The following PLCL1 variants were observed in gnomAD, a reference collection of about 807,000 sequenced individuals.
PLCL1 encodes phospholipase C like 1 (inactive), also known as inactive phospholipase C-like protein 1.
Under a neutral mutation model 84.4 loss-of-function variants are expected in PLCL1, and 41 were observed. The observed-to-expected ratio is 0.49, with a 90% CI of 0.38 to 0.63. PLCL1 has a LOEUF of 0.63. Among genes scored for constraint, PLCL1 ranks in the 30% least tolerant of loss-of-function variants. The pLI is 0.00. For missense variants in PLCL1, 1,206 were observed against 1,367.8 expected, an observed-to-expected ratio of 0.88 and a Z score of 1.87; for synonymous variants, 490 against 488.3, an observed-to-expected ratio of 1.00 and a Z score of -0.05.
intron 1 of PLCL1, among the ~76,000 whole-genome samples, chr2:197,837,791 A>G (rs1486427494): frequency 6.6e-6 from 1 of 152,242 alleles, no homozygotes; most frequent in African/African-American, 2.4e-5. Context: ...CTTAATTATC[A>G]TAGGAATCAT....
intron 1 of PLCL1, among the ~76,000 whole-genome samples, chr2:198,043,779 T>A (rs1574269236): frequency 6.6e-6 from 1 of 151,804 alleles, no homozygotes; most frequent in Non-Finnish European, 1.5e-5. Context: ...TTGAGCAGAG[T>A]AAGTCCAAAT....
chr2:198,084,483 G>C lies in PLCL1; in HGVS notation c.966G>C (p.Gln322His), dbSNP rs1435894123. Residue 322 changes from glutamine to histidine, a missense_variant, in exon 2 of 6, where the codon CAG (glutamine) becomes CAC (histidine). Physicochemically the swap from Gln to His is conservative, Grantham distance 24. Coordinates refer to ENST00000428675, the MANE Select transcript of PLCL1 (RefSeq NM_006226.4). ...TRPEVYFLLV[Q>H]ISKNKEYLDA... ...CAGAAGTGTATTTCTTACTTGTACAGATATCTAAAAACAAAGAATATTTGG... is the reference window on the plus strand; with the variant it reads ...CAGAAGTGTATTTCTTACTTGTACACATATCTAAAAACAAAGAATATTTGG... 5 of 1,613,872 alleles carry C rather than the reference G, an allele frequency of 3.1e-6. No individual in the cohort carries two copies. The highest frequency in any genetic ancestry group is 4.5e-5 in the East Asian group (2 of 44,898).
rs566647099 is a variant in PLCL1 at position 197,896,387 on chromosome 2, T to C, written c.240+91048T>C. ...CAAAGAGCATCCTAGAGCAAAGCCC[T>C]ATGTGCCCATCTCTCAGCTTCAACA... is the stretch of plus-strand genomic sequence containing the variant. On this transcript the variant is annotated intron_variant, in intron 1 of 5. Transcript: ENST00000428675. Among the ~76,000 whole-genome samples, 55 of 152,120 alleles carry C rather than the reference T, an allele frequency of 3.6e-4. 1 individual carries two copies. In the South Asian group the frequency reaches 3.7e-3, roughly 10 times the overall value.
chr2:197,939,433 C>T lies in PLCL1; in HGVS notation c.240+134094C>T, dbSNP rs139975109. Among the ~76,000 whole-genome samples the T allele has an allele frequency of 5.4e-3, 823 of 152,228 alleles. 4 individuals are homozygous for T. Among genetic ancestry groups the T allele is most frequent in the Non-Finnish European group, 9.4e-3 (636 of 68,004 alleles). The stretch of plus-strand genomic sequence containing the variant: ...AGTACCACAGTCTGGGTGACTTAAA[C>T]GACAGAAGTTGATTTTTTTCATAGT... On this transcript the variant is annotated intron_variant, in intron 1 of 5. Transcript: ENST00000428675.
At chr2:198,027,865 T>G (rs961968165) in intron 1 of PLCL1, among the ~76,000 whole-genome samples, 5 of 152,072 alleles carry the variant, frequency 3.3e-5, no homozygotes, top group Non-Finnish European at 7.4e-5. Context: ...GGGGATCTTG[T>G]TCTGTCACCC....
At chr2:197,832,893 G>T (rs1268910155) in intron 1 of PLCL1, among the ~76,000 whole-genome samples, 1 of 152,142 alleles carries the variant, frequency 6.6e-6, no homozygotes, top group Admixed American at 6.5e-5. Context: ...CAGAATCAAT[G>T]ACAAAAAACA....
intron 1 of PLCL1, among the ~76,000 whole-genome samples, chr2:197,824,688 C>G (rs895569418): frequency 2.4e-4 from 34 of 141,476 alleles, no homozygotes; most frequent in African/African-American, 8.8e-4. Context: ...CACTCCAGCC[C>G]GGGCAACAGA....
intron 1 of PLCL1, among the ~76,000 whole-genome samples, chr2:197,916,794 T>C (rs773810310): frequency 1.3e-5 from 2 of 151,894 alleles, no homozygotes; most frequent in Non-Finnish European, 2.9e-5. Flanking sequence ...AAATAAAAAA[T>C]GGGCAAAAGA....
intron 1 of PLCL1, among the ~76,000 whole-genome samples, chr2:198,052,114 G>T (rs1454839085): frequency 6.6e-6 from 1 of 152,188 alleles, no homozygotes; most frequent in African/African-American, 2.4e-5. Flanking sequence ...GTTTCTCCAT[G>T]TTGGCCAGGC....
intron 5 of PLCL1, among the ~76,000 whole-genome samples, chr2:198,136,999 T>C (rs1314838114): frequency 6.6e-6 from 1 of 152,204 alleles, no homozygotes; most frequent in Non-Finnish European, 1.5e-5. Context: ...ATAGTATTTA[T>C]GTCTGGGACA....
intron 1 of PLCL1, among the ~76,000 whole-genome samples, chr2:197,852,184 G>A (rs574006827): frequency 6.8e-4 from 103 of 152,110 alleles, no homozygotes; most frequent in Non-Finnish European, 1.1e-3. Context: ...TCAAGGCAAC[G>A]TGCCTTTCAA....
chr2:197,912,680 A>C (rs1168896704), intron 1 of PLCL1, among the ~76,000 whole-genome samples: 7 of 148,318 alleles, frequency 4.7e-5, no homozygotes, highest in Non-Finnish European at 8.9e-5. Flanking sequence ...CATTCTCAGT[A>C]AACTATCGCA....
At chr2:197,969,230 A>G (rs1285030143) in intron 1 of PLCL1, among the ~76,000 whole-genome samples, 2 of 152,214 alleles carry the variant, frequency 1.3e-5, no homozygotes, top group African/African-American at 4.8e-5. Flanking sequence ...TTTGGCGACC[A>G]CTGATTTAAA....
intron 5 of PLCL1, among the ~76,000 whole-genome samples, chr2:198,117,444 T>C (rs374681742): frequency 6.6e-6 from 1 of 151,750 alleles, no homozygotes; most frequent in African/African-American, 2.4e-5. Context: ...GGTGGTACAT[T>C]ATTGTAACAG....
Position 198,084,975 on chromosome 2 carries a change from A to C in PLCL1, c.1458A>C (p.Pro486=). Residue 486 remains proline (P), a synonymous_variant, in exon 2 of 6, where the codon CCA becomes CCC. Transcript: ENST00000428675. ...NKFAFVASEY[P]LILCLGNHCS... is the part of the protein sequence containing the mutation. ...TTGCCTTTGTTGCTTCTGAATACCCACTCATTCTTTGCTTGGGAAATCACT... is the reference window on the plus strand; with the variant it reads ...TTGCCTTTGTTGCTTCTGAATACCCCCTCATTCTTTGCTTGGGAAATCACT... 1 of 1,613,986 alleles carries C rather than the reference A, an allele frequency of 6.2e-7. No homozygotes were observed. The highest frequency in any genetic ancestry group is 8.5e-7 in the Non-Finnish European group (1 of 1,179,984).
At chr2:197,961,744 G>A (rs192100055) in intron 1 of PLCL1, among the ~76,000 whole-genome samples, 55 of 152,076 alleles carry the variant, frequency 3.6e-4, no homozygotes, top group Non-Finnish European at 5.6e-4. Flanking sequence ...AGGTGGTTTT[G>A]GAAATGAAAC....
At chr2:197,874,146 T>C (rs2105707765) in intron 1 of PLCL1, among the ~76,000 whole-genome samples, 1 of 152,306 alleles carries the variant, frequency 6.6e-6, no homozygotes, top group East Asian at 1.9e-4. Flanking sequence ...GATTCAAATC[T>C]CAATGGCGTG....
chr2:198,000,421 G>T (rs1429650216), intron 1 of PLCL1, among the ~76,000 whole-genome samples: 1 of 152,076 alleles, frequency 6.6e-6, no homozygotes, highest in Admixed American at 6.6e-5. Flanking sequence ...AGTTTTAGAA[G>T]AAAAAATGAA....
At chr2:198,103,000 C>T (rs1318454880) in intron 4 of PLCL1, among the ~76,000 whole-genome samples, 2 of 152,024 alleles carry the variant, frequency 1.3e-5, no homozygotes, top group Admixed American at 1.3e-4. Flanking sequence ...TAAGGTCATT[C>T]CCAAATCTGA....
Sources: allele counts gnomAD v4.1 joint callset (sites outside exome capture counted in the v4.1 genomes callset), GRCh38; gene constraint gnomAD v4.1.1; transcripts MANE v1.5; gene names NCBI Gene and HGNC (gene_info 2026-07-23, HGNC 2026-07-21).